Variants in GALNTL6 observed in about 807,000 individuals in gnomAD.
GALNTL6 encodes polypeptide N-acetylgalactosaminyltransferase-like 6.
GALNTL6 carries 46 observed loss-of-function variants against 73.7 expected under a neutral mutation model. The observed-to-expected ratio is 0.62, with a 90% CI of 0.49 to 0.80. The LOEUF (loss-of-function observed/expected upper bound fraction) is 0.80. Ranked by LOEUF, GALNTL6 falls within the 30% of genes least tolerant of loss-of-function variation. GALNTL6 has a pLI of 0.00. For missense variants in GALNTL6, 604 were observed against 755.0 expected, an observed-to-expected ratio of 0.80 and a Z score of 2.34; for synonymous variants, 259 against 263.7, an observed-to-expected ratio of 0.98 and a Z score of 0.17.
intron 2 of GALNTL6, among the ~76,000 whole-genome samples, chr4:172,039,118 A>G (rs1421922345): frequency 6.6e-6 from 1 of 152,088 alleles, no homozygotes; most frequent in East Asian, 1.9e-4. Context: ...CTTCATTTCA[A>G]CTAATTTTGC....
chr4:172,062,135 T>A (rs936625012), intron 2 of GALNTL6, among the ~76,000 whole-genome samples: 1 of 151,626 alleles, frequency 6.6e-6, no homozygotes, highest in Non-Finnish European at 1.5e-5. Flanking sequence ...TTTTTTTTTT[T>A]AGTAGAGACA....
intron 2 of GALNTL6, among the ~76,000 whole-genome samples, chr4:171,892,183 A>C (rs1189585215): frequency 1.3e-5 from 2 of 152,184 alleles, no homozygotes; most frequent in African/African-American, 4.8e-5. Flanking sequence ...ATACTTCATT[A>C]TGTGTATGCA....
chr4:171,865,776 A>G (rs6818860), intron 2 of GALNTL6, among the ~76,000 whole-genome samples: 80,103 of 152,098 alleles, frequency 0.53, 23,992 homozygotes, highest in Non-Finnish European at 0.67. Flanking sequence ...GCAAAATTCA[A>G]TTGAAAAGTG....
intron 5 of GALNTL6, among the ~76,000 whole-genome samples, chr4:172,719,062 T>A (rs1735289073): frequency 6.6e-6 from 1 of 152,184 alleles, no homozygotes; most frequent in African/African-American, 2.4e-5. Flanking sequence ...TCGAAAGACA[T>A]CAAAACGAGT....
At chr4:172,958,817 G>A (rs966232509) in intron 10 of GALNTL6, among the ~76,000 whole-genome samples, 1 of 152,162 alleles carries the variant, frequency 6.6e-6, no homozygotes, top group African/African-American at 2.4e-5. Context: ...AGGCTGGGGT[G>A]AAGGGTACAA....
chr4:172,223,309 C>T (rs1451586924), intron 2 of GALNTL6, among the ~76,000 whole-genome samples: 2 of 151,998 alleles, frequency 1.3e-5, no homozygotes, highest in African/African-American at 2.4e-5. Flanking sequence ...TGTTCTGATA[C>T]TAATTTATCT....
At chr4:171,914,681 G>A (rs1008673008) in intron 2 of GALNTL6, among the ~76,000 whole-genome samples, 2 of 150,978 alleles carry the variant, frequency 1.3e-5, no homozygotes, top group East Asian at 3.9e-4. Flanking sequence ...CTCCCAAATT[G>A]CTGGGATTAC....
intron 12 of GALNTL6, among the ~76,000 whole-genome samples, chr4:173,035,209 G>T: frequency 7.5e-6 from 1 of 133,472 alleles, no homozygotes; most frequent in Non-Finnish European, 1.5e-5. Flanking sequence ...TTGCAGTTTC[G>T]CTCTTGTTGC....
intron 7 of GALNTL6, among the ~76,000 whole-genome samples, chr4:172,859,380 G>C (rs1450904485): frequency 6.6e-6 from 1 of 152,062 alleles, no homozygotes; most frequent in Admixed American, 6.5e-5. Flanking sequence ...TCATGTCCTG[G>C]CTCTTGGTTA....
At chr4:172,129,686 T>G (rs1275080122) in intron 2 of GALNTL6, among the ~76,000 whole-genome samples, 1 of 152,066 alleles carries the variant, frequency 6.6e-6, no homozygotes, top group African/African-American at 2.4e-5. Flanking sequence ...AAAAGTAAAT[T>G]TGACAGAAGA....
intron 5 of GALNTL6, among the ~76,000 whole-genome samples, chr4:172,621,571 C>T (rs1422458232): frequency 6.6e-6 from 1 of 152,022 alleles, no homozygotes; most frequent in Admixed American, 6.6e-5. Context: ...TTGTTTATTC[C>T]TCTAAAAAGA....
intron 5 of GALNTL6, among the ~76,000 whole-genome samples, chr4:172,522,444 G>A (rs1419426242): frequency 6.6e-6 from 1 of 152,174 alleles, no homozygotes; most frequent in Non-Finnish European, 1.5e-5. Flanking sequence ...GCTGAAGGGG[G>A]CGGATCACCT....
intron 2 of GALNTL6, among the ~76,000 whole-genome samples, chr4:171,995,445 T>C (rs1337487548): frequency 6.6e-6 from 1 of 152,060 alleles, no homozygotes; most frequent in Non-Finnish European, 1.5e-5. Flanking sequence ...TAAATTATTC[T>C]GTACAGAATT....
chr4:171,873,340 T>C (rs1736188280), intron 2 of GALNTL6, among the ~76,000 whole-genome samples: 1 of 152,236 alleles, frequency 6.6e-6, no homozygotes, highest in Non-Finnish European at 1.5e-5. Flanking sequence ...CTACTATAAG[T>C]TCATTTATCT....
At chr4:173,028,371 G>A (rs1038312959) in intron 12 of GALNTL6, among the ~76,000 whole-genome samples, 1 of 152,166 alleles carries the variant, frequency 6.6e-6, no homozygotes, top group African/African-American at 2.4e-5. Context: ...GGTCCCGAGA[G>A]ATTCTAATAG....
intron 5 of GALNTL6, among the ~76,000 whole-genome samples, chr4:172,655,103 G>T (rs1237333053): frequency 6.6e-6 from 1 of 152,124 alleles, no homozygotes; most frequent in Non-Finnish European, 1.5e-5. Flanking sequence ...TTAGGTCATA[G>T]ATTTTTATAA....
chr4:173,017,361 G>C lies in GALNTL6; in HGVS notation c.1489-4115G>C, dbSNP rs1579786491. On this transcript the variant is annotated intron_variant, in intron 11 of 12. Coordinates refer to ENST00000506823, the MANE Select transcript of GALNTL6 (RefSeq NM_001034845.3). ...AAAATCTACATTCTTCTGTCAATAA[G>C]AGCAGGCCAAGGGTGAAGACAAACT... is the stretch of plus-strand genomic sequence containing the variant. 2.0e-5 allele frequency among the ~76,000 whole-genome samples: 3 copies of C among 152,296 alleles called. No individual in the cohort carries two copies. In the South Asian group the frequency reaches 6.2e-4, roughly 32 times the overall value.
intron 5 of GALNTL6, among the ~76,000 whole-genome samples, chr4:172,397,778 C>T (rs1189838751): frequency 2.0e-5 from 3 of 151,932 alleles, no homozygotes; most frequent in Non-Finnish European, 4.4e-5. Flanking sequence ...AGGGTTTCAC[C>T]ATGTTGGCCA....
intron 8 of GALNTL6, among the ~76,000 whole-genome samples, chr4:172,902,020 A>T (rs1426578028): frequency 6.6e-6 from 1 of 152,206 alleles, no homozygotes; most frequent in Non-Finnish European, 1.5e-5. Flanking sequence ...CAGAGACAGT[A>T]TTAAGTCAAT....
Sources: gnomAD v4.1 joint callset for allele counts (sites outside exome capture counted in the v4.1 genomes callset) on GRCh38, gnomAD v4.1.1 for gene constraint, MANE v1.5 for transcripts, NCBI Gene and HGNC (gene_info 2026-07-23, HGNC 2026-07-21) for gene names.